Variants in MMP26 observed in about 807,000 individuals in gnomAD.
MMP26 encodes the protein matrix metallopeptidase 26.
A neutral mutation model predicts 31.0 loss-of-function variants in MMP26; 33 were observed. The ratio of observed to expected loss-of-function variants is 1.06; its 90% CI spans 0.81 to 1.42. The LOEUF (loss-of-function observed/expected upper bound fraction) is 1.42. Ranked by LOEUF, MMP26 falls within the 40% of genes most tolerant of loss-of-function variation. The pLI is 0.00. For missense variants in MMP26, 347 were observed against 316.1 expected, an observed-to-expected ratio of 1.10 and a Z score of -0.74; for synonymous variants, 122 against 114.9, an observed-to-expected ratio of 1.06 and a Z score of -0.40.
intron 2 of MMP26, among the ~76,000 whole-genome samples, chr11:4,911,242 T>G (rs1850987336): frequency 6.6e-6 from 1 of 152,198 alleles, no homozygotes. Context: ...TGGACTTTGT[T>G]ATCTCTCAGC....
chr11:4,986,528 T>C (rs1206325039), intron 2 of MMP26, among the ~76,000 whole-genome samples: 1 of 124,864 alleles, frequency 8.0e-6, no homozygotes, highest in East Asian at 2.3e-4. Context: ...TTTTTTTTTT[T>C]TTTTTTTTTT....
At chr11:4,724,156 G>A in intron 1 of MMP26, 4 of 584,128 alleles carry the variant, frequency 6.8e-6, no homozygotes, top group Admixed American at 5.8e-5. Context: ...GGACTTCTGG[G>A]TTACCCTGAT....
In MMP26 at chr11:4,954,641, G is replaced by C. The variant is rs1192075228; in HGVS notation, c.-144-33427G>C. ...GTTTTATTCCCATTCTCAGTATCTA[G>C]AGTGAATAAAATAAGTCTGTGATAA... On this transcript the variant is annotated intron_variant, in intron 2 of 7. Transcript: ENST00000380390. The C allele has an allele frequency of 2.1e-5, 12 of 584,726 alleles. 3 individuals are homozygous for C. Among genetic ancestry groups the C allele is most frequent in the Non-Finnish European group, 3.6e-5 (12 of 333,184 alleles). The allele number at this position is 584,726 out of a possible 1,614,324, so 36.2% of individuals were successfully genotyped here.
chr11:4,724,347 T>C (rs1350825308), intron 1 of MMP26, among the ~76,000 whole-genome samples: 4 of 152,226 alleles, frequency 2.6e-5, no homozygotes, highest in Non-Finnish European at 5.9e-5. Context: ...GGGGTGGACT[T>C]GTGACCTCCT....
intron 2 of MMP26, among the ~76,000 whole-genome samples, chr11:4,899,392 C>A (rs1364697002): frequency 1.3e-5 from 2 of 152,148 alleles, no homozygotes; most frequent in South Asian, 2.1e-4. Flanking sequence ...GTTCTTGAAA[C>A]CTCAACTGAT....
intron 2 of MMP26, chr11:4,945,966 GA>G (rs1846292767): frequency 1.7e-6 from 1 of 605,856 alleles, no homozygotes; most frequent in Non-Finnish European, 2.9e-6. Context: ...CTGCTTAACT[GA>G]AATGGGGACA....
At chr11:4,763,297 G>C (rs1436126027) in intron 1 of MMP26, among the ~76,000 whole-genome samples, 1 of 152,166 alleles carries the variant, frequency 6.6e-6, no homozygotes, top group Non-Finnish European at 1.5e-5. Context: ...GCTGAACAAA[G>C]GGTGGCATCA....
At chr11:4,927,837 G>A (rs1396742081) in intron 2 of MMP26, among the ~76,000 whole-genome samples, 2 of 152,094 alleles carry the variant, frequency 1.3e-5, no homozygotes, top group African/African-American at 2.4e-5. Flanking sequence ...GAGGTCACAA[G>A]AGGCTGGGAA....
chr11:4,824,685 T>G (rs1377919502), intron 2 of MMP26, among the ~76,000 whole-genome samples: 1 of 152,144 alleles, frequency 6.6e-6, no homozygotes, highest in Non-Finnish European at 1.5e-5. Flanking sequence ...GATATTTCTA[T>G]AGTCCACATT....
At chr11:4,771,956 A>T (rs960284986) in intron 2 of MMP26, among the ~76,000 whole-genome samples, 1 of 152,220 alleles carries the variant, frequency 6.6e-6, no homozygotes. Flanking sequence ...AAATATATCT[A>T]TCTCCCTTCT....
chr11:4,718,416 T>G (rs534994471), intron 1 of MMP26, among the ~76,000 whole-genome samples: 1 of 152,342 alleles, frequency 6.6e-6, no homozygotes, highest in Admixed American at 6.5e-5. Context: ...TCATTTCCTG[T>G]TTTCTGCTCC....
intron 2 of MMP26, chr11:4,973,221 T>G (rs1227162747): frequency 6.1e-6 from 1 of 163,614 alleles, no homozygotes; most frequent in African/African-American, 2.4e-5. Context: ...GCTTTCAGTA[T>G]CAACATGTAG....
chr11:4,959,206 C>G (rs1201284711), intron 2 of MMP26, among the ~76,000 whole-genome samples: 3 of 139,166 alleles, frequency 2.2e-5, no homozygotes, highest in African/African-American at 8.4e-5. Flanking sequence ...CCACCGCACT[C>G]TAGCCTGGGC....
At chr11:4,848,296 C>G in intron 2 of MMP26, 1 of 1,613,896 alleles carries the variant, frequency 6.2e-7, no homozygotes. Context: ...TTTCTAATCT[C>G]CTTCATCTTG....
chr11:4,991,605 G>A, intron 6 of MMP26, 109 bp downstream of exon 6: 1 of 1,384,098 alleles, frequency 7.2e-7, no homozygotes, highest in Non-Finnish European at 9.8e-7. Flanking sequence ...TGGAAGATTT[G>A]GCTGAGGAAT....
At chr11:4,972,889 A>G (rs1846683989) in intron 2 of MMP26, 1 of 152,150 alleles carries the variant, frequency 6.6e-6, no homozygotes, top group South Asian at 2.1e-4. Flanking sequence ...TTATTGATCT[A>G]TTCTGCTTGT....
At chr11:4,838,013 A>G (rs901526631) in intron 2 of MMP26, among the ~76,000 whole-genome samples, 15 of 152,022 alleles carry the variant, frequency 9.9e-5, no homozygotes, top group Admixed American at 2.6e-4. Context: ...ATTCTCTGAC[A>G]TAGTATAGAA....
chr11:4,980,482 G>A (rs146515451), intron 2 of MMP26, among the ~76,000 whole-genome samples: 40 of 151,858 alleles, frequency 2.6e-4, no homozygotes, highest in African/African-American at 9.4e-4. Flanking sequence ...ACAAAATATA[G>A]GGATGGAAAA....
At chr11:4,717,118 C>G (rs192929067) in intron 1 of MMP26, among the ~76,000 whole-genome samples, 23 of 152,320 alleles carry the variant, frequency 1.5e-4, no homozygotes, top group African/African-American at 5.1e-4. Context: ...TCTTTACTTA[C>G]TCAGAGAAGC....
Sources: gnomAD v4.1 joint callset for allele counts (sites outside exome capture counted in the v4.1 genomes callset) on GRCh38, gnomAD v4.1.1 for gene constraint, MANE v1.5 for transcripts, NCBI Gene and HGNC (gene_info 2026-07-23, HGNC 2026-07-21) for gene names.